The following CDC14A variants were observed in gnomAD, a reference collection of about 807,000 sequenced individuals.
CDC14A encodes cell division cycle 14A.
CDC14A carries 53 observed loss-of-function variants against 74.4 expected under a neutral mutation model. The ratio of observed to expected loss-of-function variants is 0.71; its 90% CI spans 0.57 to 0.89. CDC14A has a LOEUF of 0.89. Among genes scored for constraint, CDC14A ranks in the 40% least tolerant of loss-of-function variants. CDC14A has a pLI of 0.00. For missense variants in CDC14A, 646 were observed against 713.7 expected, an observed-to-expected ratio of 0.91 and a Z score of 1.08; for synonymous variants, 247 against 258.4, an observed-to-expected ratio of 0.96 and a Z score of 0.43.
chr1:100,432,756 T>A (rs1048811872), intron 5 of CDC14A, among the ~76,000 whole-genome samples: 1 of 152,234 alleles, frequency 6.6e-6, no homozygotes, highest in African/African-American at 2.4e-5. Flanking sequence ...TTAATATGGT[T>A]ATAAAAAATT....
In CDC14A at chr1:100,353,846, A is replaced by T. The variant is rs1470833654; in HGVS notation, c.134A>T (p.Tyr45Phe). Residue 45 changes from tyrosine (Y) to phenylalanine (F), a missense_variant, in exon 2 of 16, where the codon TAT becomes TTT. Physicochemically the swap from Tyr to Phe is conservative, Grantham distance 22. Transcript: ENST00000336454. The part of the protein sequence containing the change: ...HYFSIDEELV[Y>F]ENFYADFGPL... ...TTCTCCATCGATGAGGAGCTGGTCT[A>T]TGAAAAGTAAGTTTATGTTTTGTTT... The T allele has an allele frequency of 6.3e-7, 1 of 1,592,224 alleles. No homozygotes were observed. Among genetic ancestry groups the T allele is most frequent in the South Asian group, 1.1e-5 (1 of 89,248 alleles).
intron 7 of CDC14A, among the ~76,000 whole-genome samples, chr1:100,451,258 C>A (rs1462341950): frequency 2.6e-5 from 4 of 152,178 alleles, no homozygotes; most frequent in Non-Finnish European, 5.9e-5. Context: ...TGCTGTTGTA[C>A]CAGCAGAGGT....
intron 5 of CDC14A, among the ~76,000 whole-genome samples, chr1:100,439,468 T>C (rs1664691589): frequency 6.6e-6 from 1 of 152,220 alleles, no homozygotes; most frequent in African/African-American, 2.4e-5. Context: ...TTCAATTCAC[T>C]GTTAATAATA....
At chr1:100,484,244 A>G in intron 10 of CDC14A, 48 bp from the exon 11 acceptor site, 1 of 1,193,294 alleles carries the variant, frequency 8.4e-7, no homozygotes, top group Non-Finnish European at 1.1e-6. Context: ...AGATTGTTTT[A>G]AAGATAACTT....
chr1:100,351,030 C>CA (rs907620402), upstream of CDC14A, among the ~76,000 whole-genome samples: 6 of 152,026 alleles, frequency 3.9e-5, no homozygotes, highest in Non-Finnish European at 8.8e-5. Context: ...CCGGTCTCTA[C>CA]AAAAAATACA....
chr1:100,461,982 A>G (rs1185438284), intron 8 of CDC14A, among the ~76,000 whole-genome samples: 3 of 152,210 alleles, frequency 2.0e-5, no homozygotes, highest in African/African-American at 4.8e-5. Context: ...AGTATATAAT[A>G]CATTGTTATT....
At chr1:100,348,537 C>T (rs967901503), upstream of CDC14A, among the ~76,000 whole-genome samples, 1 of 152,138 alleles carries the variant, frequency 6.6e-6, no homozygotes, top group African/African-American at 2.4e-5. Context: ...CACTAGTCTG[C>T]ATCCAGTTCT....
At chr1:100,516,662 A>G (rs920991742) in intron 15 of CDC14A, among the ~76,000 whole-genome samples, 1 of 152,022 alleles carries the variant, frequency 6.6e-6, no homozygotes, top group Non-Finnish European at 1.5e-5. Context: ...AACCGAGAAA[A>G]AGCAGGTAGA....
At chr1:100,505,068 G>T in intron 15 of CDC14A, 1 of 886,466 alleles carries the variant, frequency 1.1e-6, no homozygotes, top group South Asian at 2.3e-5. Flanking sequence ...TTCTTTTGCA[G>T]ACATTTCAAA....
intron 5 of CDC14A, among the ~76,000 whole-genome samples, chr1:100,428,741 G>A (rs17122463): frequency 0.013 from 1,922 of 152,136 alleles, 39 homozygotes; most frequent in African/African-American, 0.044. Flanking sequence ...TTAAAGTCCC[G>A]CAAAACATTG....
chr1:100,460,457 A>G (rs1667210947), intron 8 of CDC14A, among the ~76,000 whole-genome samples: 1 of 152,168 alleles, frequency 6.6e-6, no homozygotes, highest in African/African-American at 2.4e-5. Flanking sequence ...GGTCCCAGGC[A>G]TGCTAGCAAC....
chr1:100,438,113 C>G (rs547671455), intron 5 of CDC14A, among the ~76,000 whole-genome samples: 2 of 152,004 alleles, frequency 1.3e-5, no homozygotes, highest in South Asian at 2.1e-4. Context: ...ATATCACTTA[C>G]AGTTATTATT....
intron 4 of CDC14A, among the ~76,000 whole-genome samples, chr1:100,394,864 A>T (rs900825186): frequency 2.0e-5 from 3 of 152,320 alleles, no homozygotes; most frequent in East Asian, 1.9e-4. Context: ...TTACTTGTTG[A>T]CAGTCTTGTA....
At chr1:100,469,141 A>T (rs72974084) in intron 10 of CDC14A, among the ~76,000 whole-genome samples, 8,198 of 152,172 alleles carry the variant, frequency 0.054, 744 homozygotes, top group African/African-American at 0.19. Flanking sequence ...TCCAGTTTTA[A>T]TGATCATGAT....
intron 15 of CDC14A, among the ~76,000 whole-genome samples, chr1:100,510,476 C>G (rs1374269737): frequency 1.3e-5 from 2 of 152,158 alleles, no homozygotes; most frequent in Non-Finnish European, 2.9e-5. Flanking sequence ...CATCTTGAAT[C>G]CTGCCAGCCT....
intron 2 of CDC14A, among the ~76,000 whole-genome samples, chr1:100,357,082 G>C (rs1246140779): frequency 6.6e-6 from 1 of 151,864 alleles, no homozygotes. Context: ...AGGAAGGAGG[G>C]TGGAATAATT....
At chr1:100,351,779 A>G (rs1036329820), upstream of CDC14A, 1 of 1,550,616 alleles carries the variant, frequency 6.4e-7, no homozygotes, top group East Asian at 2.4e-5. Flanking sequence ...TTGTCCCGTG[A>G]GAACAAAGTA....
chr1:100,409,316 G>T (rs898795620), intron 4 of CDC14A, among the ~76,000 whole-genome samples: 1 of 152,092 alleles, frequency 6.6e-6, no homozygotes, highest in Non-Finnish European at 1.5e-5. Context: ...TGAGATTTGG[G>T]TGGGGACACA....
chr1:100,465,904 A>G (rs1488687589), intron 9 of CDC14A, among the ~76,000 whole-genome samples: 1 of 152,202 alleles, frequency 6.6e-6, no homozygotes, highest in Non-Finnish European at 1.5e-5. Context: ...ACTTTTCAAC[A>G]TCTTGTCATG....
Sources: allele counts gnomAD v4.1 joint callset (sites outside exome capture counted in the v4.1 genomes callset), GRCh38; gene constraint gnomAD v4.1.1; transcripts MANE v1.5; gene names NCBI Gene and HGNC (gene_info 2026-07-23, HGNC 2026-07-21).